The following CENPO variants were observed in gnomAD, a reference collection of about 807,000 sequenced individuals.
CENPO encodes centromere protein O.
A neutral mutation model predicts 36.1 loss-of-function variants in CENPO; 30 were observed. The ratio of observed to expected loss-of-function variants is 0.83; its 90% CI spans 0.62 to 1.13. CENPO has a LOEUF of 1.13. Ranked by LOEUF, CENPO falls within the 50% of genes most tolerant of loss-of-function variation. The pLI is 0.00. For synonymous variants in CENPO, 171 were observed against 142.3 expected (o/e 1.20, Z -1.44); for missense variants, 349 against 357.8 (o/e 0.98, Z 0.20).
At chr2:24,799,160 C>A (rs1666049617) in intron 2 of CENPO, among the ~76,000 whole-genome samples, 1 of 151,858 alleles carries the variant, frequency 6.6e-6, no homozygotes, top group South Asian at 2.1e-4. Flanking sequence ...CCATGCCCGG[C>A]TAATTTTTTG....
rs924663729 is a variant in CENPO, at chr2:24,815,211, C to G, written c.335-286C>G. Among the ~76,000 whole-genome samples, 4 of 148,248 alleles carry G rather than the reference C, an allele frequency of 2.7e-5. No individual in the cohort carries two copies. The East Asian group carries it at 7.9e-4, about 29-fold the overall frequency. On this transcript the variant is annotated intron_variant, in intron 4 of 7. Coordinates refer to ENST00000380834, the MANE Select transcript of CENPO (RefSeq NM_001322101.2). The stretch of plus-strand genomic sequence containing the variant: ...TGAGATCGTGCCACCGCACTCCAGC[C>G]TGGGTGACAGAGTGAAACCCTATCT...
intron 3 of CENPO, among the ~76,000 whole-genome samples, chr2:24,805,803 T>G (rs1205458493): frequency 6.6e-6 from 1 of 152,214 alleles, no homozygotes; most frequent in Admixed American, 6.5e-5. Flanking sequence ...GTCTGTCTGT[T>G]CTCAGACCTC....
chr2:24,793,988 C>A, intron 2 of CENPO, 23 bp downstream of exon 2: 1 of 1,556,824 alleles, frequency 6.4e-7, no homozygotes, highest in Non-Finnish European at 8.9e-7. Context: ...TCGCCGCCTC[C>A]TTCCTGCTGC....
At position 24,820,166 on chromosome 2, in the gene CENPO, GA is replaced by G; in HGVS notation, c.*849del. On this transcript the variant is annotated 3_prime_UTR_variant, in exon 8 of 8. Transcript: ENST00000380834. Reference sequence around the variant, plus strand: ...TGGCGTTACGGGGGGAGCCTAGACTGAGGGCGGGTGGGGGCTTTGGGTGGTT... The same window carrying G: ...TGGCGTTACGGGGGGAGCCTAGACTGGGGCGGGTGGGGGCTTTGGGTGGTT... 3.7e-6 allele frequency: 5 copies of G among 1,339,206 alleles called. No individual in the cohort carries two copies. Among genetic ancestry groups the G allele is most frequent in the East Asian group, 2.5e-5 (1 of 39,904 alleles). The allele number at this position is 1,339,206 out of a possible 1,614,324, so 83.0% of individuals were successfully genotyped here. A position where few individuals can be genotyped will look rare whatever the true frequency, so the allele number is the denominator to read the frequency against.
chr2:24,817,938 C>T, intron 7 of CENPO, 97 bp downstream of exon 7: 1 of 991,982 alleles, frequency 1.0e-6, no homozygotes. Context: ...ACCTGTTCAT[C>T]TGGATGGAAG....
chr2:24,814,396 T>C lies in CENPO; in HGVS notation c.237T>C (p.Asn79=), dbSNP rs768436080. The change falls in exon 4 of 8, where the codon AAT becomes AAC. Residue 79 remains asparagine, a synonymous_variant. Transcript: ENST00000380834. ...RRASVKACIA[N]VEPNQTVEIN... ...TGCAGGTGAAAGCATGTATTGCCAA[T>C]GTAGAACCCAACCAAACAGTGGAGA... The C allele has an allele frequency of 3.1e-6, 5 of 1,589,052 alleles. No individual in the cohort carries two copies. Among genetic ancestry groups the C allele is most frequent in the Non-Finnish European group, 4.3e-6 (5 of 1,157,108 alleles).
chr2:24,820,251 G>A lies in CENPO; in HGVS notation c.*933G>A, dbSNP rs1002702920. On this transcript the variant is annotated 3_prime_UTR_variant, in exon 8 of 8. Transcript: ENST00000380834. Reference sequence around the variant, plus strand: ...TACGGGACACTCCCCAAACCTCCCAGGGCCAAGCCCTTCCACCCGTGGCGA... The same window carrying A: ...TACGGGACACTCCCCAAACCTCCCAAGGCCAAGCCCTTCCACCCGTGGCGA... The A allele has an allele frequency of 1.7e-6, 2 of 1,204,964 alleles. No homozygotes were observed. The highest frequency in any genetic ancestry group is 2.2e-6 in the Non-Finnish European group (2 of 914,362). The allele number at this position is 1,204,964 out of a possible 1,614,324, so 74.6% of individuals were successfully genotyped here.
intron 3 of CENPO, among the ~76,000 whole-genome samples, chr2:24,800,676 G>A (rs1246478555): frequency 6.6e-6 from 1 of 151,996 alleles, no homozygotes; most frequent in Non-Finnish European, 1.5e-5. Context: ...TTATGGCTGC[G>A]TAATATTCCA....
intron 3 of CENPO, among the ~76,000 whole-genome samples, chr2:24,806,286 C>G (rs1434857487): frequency 6.6e-6 from 1 of 152,246 alleles, no homozygotes; most frequent in African/African-American, 2.4e-5. Flanking sequence ...GAGGCGATGC[C>G]TCGCCCTGCT....
Position 24,820,620 on chromosome 2 carries a change from C to T in CENPO, c.*1302C>T, listed in dbSNP as rs1047652692. ...CCCCACGTCTCTGCCTCTGGACTTA[C>T]TGTTCAGGGCCAGGGTGGGAGGCAG... On this transcript the variant is annotated 3_prime_UTR_variant, in exon 8 of 8. Transcript: ENST00000380834. The T allele has an allele frequency of 2.6e-6, 4 of 1,544,822 alleles. No individual in the cohort carries two copies. The highest frequency in any genetic ancestry group is 2.6e-6 in the Non-Finnish European group (3 of 1,139,074).
chr2:24,815,055 TAGCAA>T (rs1460456243), intron 4 of CENPO, among the ~76,000 whole-genome samples: 1 of 151,984 alleles, frequency 6.6e-6, no homozygotes, highest in Non-Finnish European at 1.5e-5. Flanking sequence ...CTGGGCAACA[TAGCAA>T]GACCTCATCT....
At position 24,821,120 on chromosome 2, in the gene CENPO, C is replaced by A; in HGVS notation, c.*1802C>A. 2.1e-6 allele frequency: 1 copy of A among 476,114 alleles called. No individual in the cohort carries two copies. Among genetic ancestry groups the A allele is most frequent in the Non-Finnish European group, 3.7e-6 (1 of 268,314 alleles). The allele number at this position is 476,114 out of a possible 1,614,324, so 29.5% of individuals were successfully genotyped here. A position where few individuals can be genotyped will look rare whatever the true frequency, so the allele number is the denominator to read the frequency against. ...TAACACAGCTGGTATTTCAAGTCTC[C>A]TGGGACCTCACTCAGGAATGATACC... On this transcript the variant is annotated 3_prime_UTR_variant, in exon 8 of 8. Transcript: ENST00000380834.
At chr2:24,794,662 A>G (rs773143587) in intron 2 of CENPO, among the ~76,000 whole-genome samples, 8 of 152,214 alleles carry the variant, frequency 5.3e-5, no homozygotes, top group South Asian at 2.1e-4. Context: ...TCCTTAGTCA[A>G]TCCTTTGGAA....
At position 24,820,160 on chromosome 2, in the gene CENPO, TAGA is replaced by T; in HGVS notation, c.*843_*845del. Reference sequence around the variant, plus strand: ...AGAACGTGGCGTTACGGGGGGAGCCTAGACTGAGGGCGGGTGGGGGCTTTGGGT... The same window carrying T: ...AGAACGTGGCGTTACGGGGGGAGCCTCTGAGGGCGGGTGGGGGCTTTGGGT... On this transcript the variant is annotated 3_prime_UTR_variant, in exon 8 of 8. Coordinates refer to ENST00000380834, the MANE Select transcript of CENPO (RefSeq NM_001322101.2). The T allele has an allele frequency of 7.3e-7, 1 of 1,361,610 alleles. No individual in the cohort carries two copies. Among genetic ancestry groups the T allele is most frequent in the Non-Finnish European group, 9.8e-7 (1 of 1,019,518 alleles). 84.3% of individuals were successfully genotyped at this position (1,361,610 alleles called of 1,614,324 possible). A position where few individuals can be genotyped will look rare whatever the true frequency, so the allele number is the denominator to read the frequency against.
rs201770709 is a variant in CENPO, at chr2:24,816,647, G to A, written c.596G>A (p.Ser199Asn). 220 of 1,604,082 alleles carry A rather than the reference G, an allele frequency of 1.4e-4. 1 individual carries two copies. The highest frequency in any genetic ancestry group is 8.5e-6 in the Non-Finnish European group (10 of 1,175,490). The change falls in exon 6 of 8, where the codon AGT (serine) becomes AAT (asparagine). Residue 199 changes from serine to asparagine, a missense_variant and splice_region_variant. Physicochemically the swap from Ser to Asn is conservative, Grantham distance 46. Coordinates refer to ENST00000380834, the MANE Select transcript of CENPO (RefSeq NM_001322101.2). ...GRKYQADRLQ[S>N]DFAALLTGPL... ...CGTTTTGTTCCTCACCCCTCTTAGA[G>A]TGACTTTGCAGCCCTCCTGACTGGG... is the stretch of plus-strand genomic sequence containing the variant.
Position 24,821,061 on chromosome 2 carries a change from T to C in CENPO, c.*1743T>C. ...TGTCAGCCGCCACCCCCCCCCCATATGCAGATTTACTCGGCATGGTAGTGG... is the reference window on the plus strand; with the variant it reads ...TGTCAGCCGCCACCCCCCCCCCATACGCAGATTTACTCGGCATGGTAGTGG... On this transcript the variant is annotated 3_prime_UTR_variant, in exon 8 of 8. Coordinates refer to ENST00000380834, the MANE Select transcript of CENPO (RefSeq NM_001322101.2). 1.6e-6 allele frequency: 1 copy of C among 622,262 alleles called. No homozygotes were observed. Among genetic ancestry groups the C allele is most frequent in the Non-Finnish European group, 2.7e-6 (1 of 375,088 alleles). The allele number at this position is 622,262 out of a possible 1,614,324, so 38.5% of individuals were successfully genotyped here. A position where few individuals can be genotyped will look rare whatever the true frequency, so the allele number is the denominator to read the frequency against.
intron 3 of CENPO, among the ~76,000 whole-genome samples, chr2:24,805,375 C>T (rs1254048850): frequency 3.9e-5 from 6 of 152,202 alleles, no homozygotes; most frequent in South Asian, 2.1e-4. Flanking sequence ...TGAGGAGCTG[C>T]GTTCCTTTGG....
intron 3 of CENPO, among the ~76,000 whole-genome samples, chr2:24,800,244 A>C (rs1003484191): frequency 3.9e-5 from 6 of 152,192 alleles, no homozygotes; most frequent in Non-Finnish European, 7.3e-5. Flanking sequence ...GAGCCACTGC[A>C]CTCCAGCCTG....
intron 3 of CENPO, among the ~76,000 whole-genome samples, chr2:24,808,551 T>G (rs1419618321): frequency 6.6e-6 from 1 of 152,196 alleles, no homozygotes; most frequent in Non-Finnish European, 1.5e-5. Context: ...TGTGAAGAGT[T>G]TTAATCATGA....
Sources: allele counts gnomAD v4.1 joint callset (sites outside exome capture counted in the v4.1 genomes callset), GRCh38; gene constraint gnomAD v4.1.1; transcripts MANE v1.5; gene names NCBI Gene and HGNC (gene_info 2026-07-23, HGNC 2026-07-21).